Variants in CHRM3 observed in about 807,000 individuals in gnomAD.
CHRM3 encodes muscarinic acetylcholine receptor M3.
In CHRM3, 11 loss-of-function variants were observed where a neutral mutation model predicts 41.8. The observed-to-expected ratio is 0.26, with a 90% CI of 0.17 to 0.44. CHRM3 has a LOEUF of 0.44. Among genes scored for constraint, CHRM3 ranks in the 20% least tolerant of loss-of-function variants. The pLI is 1.00. For synonymous variants in CHRM3, 297 were observed against 301.4 expected (o/e 0.99, Z 0.15); for missense variants, 571 against 745.4 (o/e 0.77, Z 2.72).
At chr1:239,505,989 G>A (rs532331606) in intron 2 of CHRM3, among the ~76,000 whole-genome samples, 3 of 152,286 alleles carry the variant, frequency 2.0e-5, no homozygotes, top group Admixed American at 6.5e-5. Flanking sequence ...CTTTGAACCT[G>A]AGAGGTATGT....
At chr1:239,902,518 T>C (rs539262502) in intron 6 of CHRM3, among the ~76,000 whole-genome samples, 7 of 152,306 alleles carry the variant, frequency 4.6e-5, no homozygotes, top group African/African-American at 1.7e-4. Flanking sequence ...GGTATTAATG[T>C]ATCTCATCAC....
chr1:239,663,439 C>T (rs1673463596), intron 4 of CHRM3, among the ~76,000 whole-genome samples: 1 of 152,134 alleles, frequency 6.6e-6, no homozygotes, highest in East Asian at 1.9e-4. Flanking sequence ...TTTCCTGTGA[C>T]AACCAACGGA....
intron 1 of CHRM3, among the ~76,000 whole-genome samples, chr1:239,476,124 C>T (rs1000674360): frequency 6.6e-6 from 1 of 151,954 alleles, no homozygotes; most frequent in African/African-American, 2.4e-5. Flanking sequence ...TTATTTGACT[C>T]TTATGAATGG....
chr1:239,750,787 A>G (rs1261391204), intron 5 of CHRM3, among the ~76,000 whole-genome samples: 1 of 152,174 alleles, frequency 6.6e-6, no homozygotes, highest in Non-Finnish European at 1.5e-5. Context: ...ATGTAGCATC[A>G]TAGTCTCTAT....
intron 5 of CHRM3, among the ~76,000 whole-genome samples, chr1:239,746,799 C>T (rs1422110053): frequency 6.6e-6 from 1 of 151,806 alleles, no homozygotes; most frequent in African/African-American, 2.4e-5. Flanking sequence ...GCTCTGTCAC[C>T]CAGGCTGGAG....
intron 5 of CHRM3, among the ~76,000 whole-genome samples, chr1:239,753,590 C>T (rs1666008041): frequency 6.6e-6 from 1 of 152,178 alleles, no homozygotes; most frequent in Non-Finnish European, 1.5e-5. Context: ...ATGATTCAAT[C>T]ACCTCCCACC....
intron 5 of CHRM3, among the ~76,000 whole-genome samples, chr1:239,808,721 G>A (rs559365): frequency 0.98 from 149,603 of 152,246 alleles, 73,552 homozygotes; most frequent in East Asian, 1. Context: ...TGTACTTTCT[G>A]TGATAGCCCT....
At chr1:239,671,933 A>C (rs183402553) in intron 4 of CHRM3, among the ~76,000 whole-genome samples, 53 of 152,254 alleles carry the variant, frequency 3.5e-4, no homozygotes, top group Middle Eastern at 3.4e-3. Context: ...TTCCTTGCTG[A>C]ATTTGGTGAA....
At position 239,913,947 on chromosome 1, in the gene CHRM3, T is replaced by A. The variant is rs576739631; in HGVS notation, c.*4723T>A. The A allele has an allele frequency of 6.0e-6, 1 of 167,136 alleles. No individual in the cohort carries two copies. The highest frequency in any genetic ancestry group is 2.4e-5 in the African/African-American group (1 of 41,576). The allele number at this position is 167,136 out of a possible 1,614,324, so 10.4% of individuals were successfully genotyped here. A position where few individuals can be genotyped will look rare whatever the true frequency, so the allele number is the denominator to read the frequency against. ...AGAGACTCACACAAAGTTCTGACCC[T>A]ACCACTCTGGTCTGGGCTGAGACCA... On this transcript the variant is annotated 3_prime_UTR_variant, in exon 7 of 7. Coordinates refer to ENST00000676153, the MANE Select transcript of CHRM3 (RefSeq NM_001375978.1).
At chr1:239,419,381 AACAGATTAACCTTTTTGGAAGAGTC>A (rs1374693054) in intron 1 of CHRM3, among the ~76,000 whole-genome samples, 7 of 148,338 alleles carry the variant, frequency 4.7e-5, no homozygotes, top group Admixed American at 2.7e-4. Flanking sequence ...TTTTTTTTTA[AACAGATTAACCTTTTTGGAAGAGTC>A]ACAGTGAATG....
At chr1:239,500,000 C>T (rs2148124813) in intron 2 of CHRM3, among the ~76,000 whole-genome samples, 1 of 152,260 alleles carries the variant, frequency 6.6e-6, no homozygotes, top group Non-Finnish European at 1.5e-5. Context: ...AATCTTGAAA[C>T]AAATCCTGGA....
In CHRM3 at chr1:239,781,821, T is replaced by C. The variant is rs549844897; in HGVS notation, c.-146-45431T>C. 5.3e-5 allele frequency among the ~76,000 whole-genome samples: 8 copies of C among 151,596 alleles called. No homozygotes were observed. The East Asian group carries it at 1.6e-3, about 29-fold the overall frequency. On this transcript the variant is annotated intron_variant, in intron 5 of 6. Coordinates refer to ENST00000676153, the MANE Select transcript of CHRM3 (RefSeq NM_001375978.1). ...TCTTTGTTTACTGGGACTTTTATCA[T>C]GAATACGTGTTGGGTTTTGTCAAAT...
At chr1:239,634,366 C>A (rs1232547954) in intron 4 of CHRM3, among the ~76,000 whole-genome samples, 1 of 66,684 alleles carries the variant, frequency 1.5e-5, no homozygotes, top group Admixed American at 1.7e-4. Context: ...AGAGCAAAAG[C>A]AAGAACAAAC....
At chr1:239,523,924 T>C (rs1040237222) in intron 2 of CHRM3, among the ~76,000 whole-genome samples, 20 of 152,170 alleles carry the variant, frequency 1.3e-4, no homozygotes, top group Admixed American at 1.3e-3. Flanking sequence ...ATGAATGGAA[T>C]ATTTCTGTTG....
intron 5 of CHRM3, among the ~76,000 whole-genome samples, chr1:239,694,791 A>G (rs1213904992): frequency 6.6e-6 from 1 of 152,196 alleles, no homozygotes; most frequent in Non-Finnish European, 1.5e-5. Flanking sequence ...CTGCATTTTC[A>G]ATATAAACAA....
chr1:239,636,616 A>T (rs1439497090), intron 4 of CHRM3, among the ~76,000 whole-genome samples: 1 of 152,194 alleles, frequency 6.6e-6, no homozygotes, highest in African/African-American at 2.4e-5. Flanking sequence ...TTTCTGTCAC[A>T]TTGACAGCAC....
chr1:239,466,326 AC>A (rs1183566394), intron 1 of CHRM3, among the ~76,000 whole-genome samples: 1 of 152,012 alleles, frequency 6.6e-6, no homozygotes. Flanking sequence ...AAATGTCTGT[AC>A]TTTTTCTTAT....
chr1:239,664,213 C>T (rs1001159582), intron 4 of CHRM3, among the ~76,000 whole-genome samples: 1 of 152,168 alleles, frequency 6.6e-6, no homozygotes, highest in African/African-American at 2.4e-5. Context: ...GAGCATAAAG[C>T]GTTATCTTCA....
intron 6 of CHRM3, chr1:239,899,907 C>G (rs776954776): frequency 2.0e-5 from 3 of 150,500 alleles, no homozygotes; most frequent in African/African-American, 7.6e-5. Flanking sequence ...GCACCTGCCC[C>G]TGGTCTGCCC....
Sources: allele counts gnomAD v4.1 joint callset (sites outside exome capture counted in the v4.1 genomes callset), GRCh38; gene constraint gnomAD v4.1.1; transcripts MANE v1.5; gene names NCBI Gene and HGNC (gene_info 2026-07-23, HGNC 2026-07-21).